Variants in CIDEC observed in about 807,000 individuals in gnomAD.
CIDEC encodes lipid transferase CIDEC.
In CIDEC, 11 loss-of-function variants were observed where a neutral mutation model predicts 21.9. The ratio of observed to expected loss-of-function variants is 0.50; its 90% CI spans 0.32 to 0.83. CIDEC has a LOEUF of 0.83. Ranked by LOEUF, CIDEC falls within the 40% of genes least tolerant of loss-of-function variation. The pLI, the probability that CIDEC is intolerant of heterozygous loss-of-function variation, is 0.04. For missense variants in CIDEC, 302 were observed against 302.3 expected, an observed-to-expected ratio of 1.00 and a Z score of 0.01; for synonymous variants, 127 against 124.9, an observed-to-expected ratio of 1.02 and a Z score of -0.11.
intron 4 of CIDEC, among the ~76,000 whole-genome samples, chr3:9,871,292 C>T (rs1480227836): frequency 6.8e-6 from 1 of 147,406 alleles, no homozygotes; most frequent in African/African-American, 2.5e-5. Context: ...GATCCTTCTA[C>T]TTTAGCCTCC....
chr3:9,870,138 A>T, intron 5 of CIDEC, 26 bp downstream of exon 5: 2 of 1,614,074 alleles, frequency 1.2e-6, no homozygotes, highest in Non-Finnish European at 1.7e-6. Context: ...TTTCTCCCCC[A>T]TCAGGTGCAA....
intron 2 of CIDEC, 184 bp downstream of exon 2, chr3:9,878,758 T>C: frequency 3.9e-6 from 6 of 1,536,040 alleles, no homozygotes; most frequent in Non-Finnish European, 5.2e-6. Context: ...CAGCTGCTGC[T>C]CCTGCCCCAG....
chr3:9,870,188 C>T lies in CIDEC; in HGVS notation c.342G>A (p.Gln114=). The change falls in exon 5 of 7, where the codon CAG becomes CAA. Residue 114 remains glutamine, a synonymous_variant. Transcript: ENST00000336832. ...DTVFMVLQKG[Q]KWQPPSEQGT... ...CCTGTTCTGATGGGGGCTGCCATTTCTGCCCCTTCTGGAGGACCATGAACA... is the reference window on the plus strand; with the variant it reads ...CCTGTTCTGATGGGGGCTGCCATTTTTGCCCCTTCTGGAGGACCATGAACA... The T allele has an allele frequency of 6.2e-7, 1 of 1,614,230 alleles. No individual in the cohort carries two copies. Among genetic ancestry groups the T allele is most frequent in the South Asian group, 1.1e-5 (1 of 91,088 alleles).
chr3:9,873,433 C>T (rs544268257), intron 4 of CIDEC, among the ~76,000 whole-genome samples: 290 of 152,264 alleles, frequency 1.9e-3, no homozygotes, highest in African/African-American at 6.4e-3. Flanking sequence ...CTGGCTAACA[C>T]GGTGAAACCC....
chr3:9,874,236 C>A (rs185459385), intron 4 of CIDEC, among the ~76,000 whole-genome samples: 129 of 152,026 alleles, frequency 8.5e-4, no homozygotes, highest in Non-Finnish European at 1.6e-3. Context: ...AATAAATAGG[C>A]CAGATGCAGT....
chr3:9,878,659 C>T (rs2082463450), intron 2 of CIDEC, 148 bp from the exon 3 acceptor site: 2 of 1,313,246 alleles, frequency 1.5e-6, no homozygotes, highest in Admixed American at 4.0e-5. Flanking sequence ...CCCAGCCCTT[C>T]TCCTGTCCGG....
At position 9,878,938 on chromosome 3, in the gene CIDEC, T is replaced by G. The variant is rs2082468013; in HGVS notation, c.-26+4A>C. The G allele has an allele frequency of 1.2e-6, 1 of 865,176 alleles. No homozygotes were observed. Among genetic ancestry groups the G allele is most frequent in the Non-Finnish European group, 1.9e-6 (1 of 537,488 alleles). The allele number at this position is 865,176 out of a possible 1,614,324, so 53.6% of individuals were successfully genotyped here. A position where few individuals can be genotyped will look rare whatever the true frequency, so the allele number is the denominator to read the frequency against. ...CCTCACACTTCTGGGGACCGTTCCC[T>G]CACCTCTAGTCCAGAGACCTCACAG... On this transcript the variant is annotated splice_donor_region_variant and intron_variant, in intron 2 of 6. Transcript: ENST00000336832.
intron 4 of CIDEC, chr3:9,870,618 C>T: frequency 1.4e-6 from 1 of 698,792 alleles, no homozygotes; most frequent in Non-Finnish European, 2.4e-6. Flanking sequence ...GCAACAATCA[C>T]CACTACCTAA....
chr3:9,878,363 T>G, intron 3 of CIDEC, 71 bp downstream of exon 3: 1 of 1,171,858 alleles, frequency 8.5e-7, no homozygotes, highest in Admixed American at 1.7e-5. Context: ...GTATACCCAT[T>G]AAAGTTTGAG....
chr3:9,876,757 C>CAAAAA (rs6147705), intron 4 of CIDEC, among the ~76,000 whole-genome samples: 5 of 67,780 alleles, frequency 7.4e-5, no homozygotes, highest in Non-Finnish European at 1.3e-4. Flanking sequence ...GACTTCGTCT[C>CAAAAA]AAAAAAAAAA....
At chr3:9,868,392 G>A (rs1178138945) in intron 6 of CIDEC, among the ~76,000 whole-genome samples, 2 of 152,224 alleles carry the variant, frequency 1.3e-5, no homozygotes, top group African/African-American at 4.8e-5. Context: ...CCTGGCATGA[G>A]CATGTACTGA....
At position 9,869,892 on chromosome 3, in the gene CIDEC, G is replaced by T. The variant is rs761795790; in HGVS notation, c.544C>A (p.Arg182Ser). Residue 182 changes from arginine (R) to serine (S), a missense_variant, in exon 6 of 7, where the codon CGC becomes AGC. Physicochemically the swap from Arg to Ser is moderately radical, Grantham distance 110 (BLOSUM62 -1). Coordinates refer to ENST00000336832, the MANE Select transcript of CIDEC (RefSeq NM_001321142.2). ...SYDLHCCGAKRIMKEAFRWAL... is the reference protein window; with the variant it reads ...SYDLHCCGAKSIMKEAFRWAL... ...TCCCAATTTGCTCACTTCATGATGC[G>T]CTTGGCCCCACAGCAGTGCAGATCA... 7 of 1,612,788 alleles carry T rather than the reference G, an allele frequency of 4.3e-6. No homozygotes were observed. Among genetic ancestry groups the T allele is most frequent in the Non-Finnish European group, 5.9e-6 (7 of 1,179,902 alleles).
At chr3:9,877,511 T>G (rs570080134) in intron 3 of CIDEC, among the ~76,000 whole-genome samples, 12 of 152,118 alleles carry the variant, frequency 7.9e-5, no homozygotes, top group Admixed American at 2.6e-4. Flanking sequence ...AATACAAAGA[T>G]TAGCCAGTGT....
rs372491842 is a variant in CIDEC at position 9,875,142 on chromosome 3, G to A, written c.207+1924C>T. Among the ~76,000 whole-genome samples, 7 of 152,214 alleles carry A rather than the reference G, an allele frequency of 4.6e-5. No homozygotes were observed. In the South Asian group the frequency reaches 8.3e-4, roughly 18 times the overall value. ...TGTAATCCCAGCACTTTGGGAGGTC[G>A]AGGCAGGCAGATCACGAGGTCAGGA... On this transcript the variant is annotated intron_variant, in intron 4 of 6. Transcript: ENST00000336832.
intron 6 of CIDEC, 75 bp from the exon 7 acceptor site, chr3:9,867,371 G>T: frequency 6.5e-7 from 1 of 1,535,670 alleles, no homozygotes; most frequent in Non-Finnish European, 8.9e-7. Flanking sequence ...TGTAATCCTA[G>T]CACTTTGGGA....
At chr3:9,870,604 T>C (rs1559248917) in intron 4 of CIDEC, 1 of 788,976 alleles carries the variant, frequency 1.3e-6, no homozygotes, top group Non-Finnish European at 2.0e-6. Flanking sequence ...ATTCGCAAAG[T>C]TGTGCAACAA....
At chr3:9,874,974 C>T (rs1418701512) in intron 4 of CIDEC, among the ~76,000 whole-genome samples, 4 of 152,164 alleles carry the variant, frequency 2.6e-5, no homozygotes, top group Non-Finnish European at 5.9e-5. Flanking sequence ...CTCAAGGACT[C>T]CTCCTGCCTC....
chr3:9,872,991 A>G (rs930115710), intron 4 of CIDEC, among the ~76,000 whole-genome samples: 6 of 152,090 alleles, frequency 3.9e-5, no homozygotes, highest in African/African-American at 1.4e-4. Flanking sequence ...TCTGTCTAAA[A>G]AAAAAGGTTT....
chr3:9,870,175 G>C lies in CIDEC; in HGVS notation c.355C>G (p.Pro119Ala), dbSNP rs2082328289. 6.2e-7 allele frequency: 1 copy of C among 1,613,988 alleles called. No homozygotes were observed. Among genetic ancestry groups the C allele is most frequent in the African/African-American group, 1.3e-5 (1 of 74,910 alleles). ...AGGTGGGACCTCACCTGTTCTGATG[G>C]GGGCTGCCATTTCTGCCCCTTCTGG... ...VLQKGQKWQP[P>A]SEQGTRHPLS... Residue 119 changes from proline (P) to alanine (A), a missense_variant, in exon 5 of 7, where the codon CCA (proline) becomes GCA (alanine). Physicochemically the swap from Pro to Ala is conservative, Grantham distance 27. Coordinates refer to ENST00000336832, the MANE Select transcript of CIDEC (RefSeq NM_001321142.2).
Sources: allele counts gnomAD v4.1 joint callset (sites outside exome capture counted in the v4.1 genomes callset), GRCh38; gene constraint gnomAD v4.1.1; transcripts MANE v1.5; gene names NCBI Gene and HGNC (gene_info 2026-07-23, HGNC 2026-07-21).